Variants in SPPL3 observed in about 807,000 individuals in gnomAD.
SPPL3 encodes signal peptide peptidase like 3, also known as signal peptide peptidase-like 3.
Under a neutral mutation model 42.4 loss-of-function variants are expected in SPPL3, and 5 were observed. The observed-to-expected ratio is 0.12, with a 90% CI of 0.06 to 0.25. SPPL3 has a LOEUF of 0.25. Among genes scored for constraint, SPPL3 ranks in the 10% least tolerant of loss-of-function variants. The pLI is 1.00. For missense variants in SPPL3, 235 were observed against 489.0 expected (o/e 0.48, Z 4.90); for synonymous variants, 195 against 181.8 (o/e 1.07, Z -0.58).
At chr12:120,852,879 C>CATATAATATATACATATCATATATGAA (rs1872304156) in intron 1 of SPPL3, among the ~76,000 whole-genome samples, 1 of 9,066 alleles carries the variant, frequency 1.1e-4, no homozygotes, top group Non-Finnish European at 4.0e-4. Flanking sequence ...ATATACATAT[C>CATATAATATATACATATCATATATGAA]ATATATATTT....
intron 1 of SPPL3, among the ~76,000 whole-genome samples, chr12:120,824,232 G>A (rs1025183381): frequency 6.6e-6 from 1 of 152,012 alleles, no homozygotes; most frequent in Non-Finnish European, 1.5e-5. Flanking sequence ...GAAGACCTAC[G>A]TATCACATAA....
intron 10 of SPPL3, among the ~76,000 whole-genome samples, 161 bp downstream of exon 10, chr12:120,766,094 GCGCGCGCA>G (rs1232521957): frequency 5.8e-5 from 6 of 103,304 alleles, no homozygotes; most frequent in African/African-American, 1.9e-4. Flanking sequence ...AGGGTAGCGC[GCGCGCGCA>G]CACACACACA....
chr12:120,859,541 C>T (rs1364610454), intron 1 of SPPL3, among the ~76,000 whole-genome samples: 1 of 152,184 alleles, frequency 6.6e-6, no homozygotes, highest in Non-Finnish European at 1.5e-5. Flanking sequence ...AAACACAAAT[C>T]CTGTGGGAAC....
At chr12:120,889,983 C>T (rs1476273514) in intron 1 of SPPL3, among the ~76,000 whole-genome samples, 1 of 152,134 alleles carries the variant, frequency 6.6e-6, no homozygotes, top group East Asian at 1.9e-4. Context: ...CGGTGGCTCA[C>T]GCCTGTAATC....
chr12:120,852,754 T>TCA (rs1393896019), intron 1 of SPPL3, among the ~76,000 whole-genome samples: 27,050 of 92,854 alleles, frequency 0.29, 8,587 homozygotes, highest in East Asian at 0.42. Flanking sequence ...ATTTCATATA[T>TCA]TATATCTATG....
chr12:120,872,329 A>C (rs926108891), intron 1 of SPPL3, among the ~76,000 whole-genome samples: 1 of 152,234 alleles, frequency 6.6e-6, no homozygotes, highest in African/African-American at 2.4e-5. Flanking sequence ...CAGACAATAC[A>C]CATGAAATAA....
chr12:120,784,702 C>T lies in SPPL3; in HGVS notation c.191-109G>A, dbSNP rs903406010. ...AATGCAGACAGTTCTACGGATTATA[C>T]GTAGGACATGGATTATCCAGGCCCT... is the stretch of plus-strand genomic sequence containing the variant. On this transcript the variant is annotated intron_variant, in intron 3 of 10. Transcript: ENST00000353487. 16 of 779,862 alleles carry T rather than the reference C, an allele frequency of 2.1e-5. No individual in the cohort carries two copies. The East Asian group carries it at 2.4e-4, about 12-fold the overall frequency. The allele number at this position is 779,862 out of a possible 1,614,324, so 48.3% of individuals were successfully genotyped here.
At chr12:120,871,427 T>C (rs1160113082) in intron 1 of SPPL3, among the ~76,000 whole-genome samples, 3 of 152,108 alleles carry the variant, frequency 2.0e-5, no homozygotes, top group Admixed American at 2.0e-4. Flanking sequence ...AGGATCCCCC[T>C]TGGATAACAA....
intron 1 of SPPL3, among the ~76,000 whole-genome samples, chr12:120,882,027 A>G (rs145336112): frequency 1.3e-5 from 2 of 152,052 alleles, no homozygotes; most frequent in East Asian, 3.9e-4. Flanking sequence ...AAATTTCCAG[A>G]AAAAAGTCGT....
intron 1 of SPPL3, among the ~76,000 whole-genome samples, chr12:120,867,990 G>A (rs531154506): frequency 1.5e-3 from 235 of 152,182 alleles, no homozygotes; most frequent in Non-Finnish European, 5.0e-4. Flanking sequence ...CAAGTGAACC[G>A]CATGCCTTGG....
intron 1 of SPPL3, among the ~76,000 whole-genome samples, chr12:120,825,415 T>C (rs1249492984): frequency 1.3e-5 from 2 of 152,174 alleles, no homozygotes; most frequent in South Asian, 2.1e-4. Flanking sequence ...CATCTGTTTA[T>C]TGAGCACCTG....
chr12:120,785,378 T>C (rs1200825802), intron 3 of SPPL3, among the ~76,000 whole-genome samples: 2 of 152,150 alleles, frequency 1.3e-5, no homozygotes, highest in Non-Finnish European at 2.9e-5. Context: ...TGGCTTCCCA[T>C]TAGAGCTTTA....
intron 1 of SPPL3, among the ~76,000 whole-genome samples, chr12:120,817,908 T>TA (rs1870933920): frequency 6.6e-6 from 1 of 152,176 alleles, no homozygotes; most frequent in Non-Finnish European, 1.5e-5. Flanking sequence ...ACACAGATTT[T>TA]ACTACAGGAG....
rs1868705897 is a variant in SPPL3, at chr12:120,762,718, CA to C, written c.*2280del. On this transcript the variant is annotated 3_prime_UTR_variant, in exon 11 of 11. Coordinates refer to ENST00000353487, the MANE Select transcript of SPPL3 (RefSeq NM_139015.5). ...AAGCGATTCTTCTGCCTCAGCCTCC[CA>C]AATAGCTGGGATTACAGGCGCCTGC... 1 of 152,040 alleles carries C rather than the reference CA, an allele frequency of 6.6e-6. No individual in the cohort carries two copies. The highest frequency in any genetic ancestry group is 2.1e-4 in the South Asian group (1 of 4,818). 9.4% of individuals were successfully genotyped at this position (152,040 alleles called of 1,614,324 possible).
At chr12:120,850,288 T>C (rs936618245) in intron 1 of SPPL3, among the ~76,000 whole-genome samples, 4 of 152,080 alleles carry the variant, frequency 2.6e-5, no homozygotes, top group Non-Finnish European at 4.4e-5. Flanking sequence ...CCCTTTCAAA[T>C]CTAAATACTT....
At chr12:120,779,501 G>A (rs573445843) in intron 6 of SPPL3, among the ~76,000 whole-genome samples, 1 of 152,308 alleles carries the variant, frequency 6.6e-6, no homozygotes, top group Non-Finnish European at 1.5e-5. Context: ...GGAATTACAA[G>A]TAGTATAAAA....
intron 1 of SPPL3, among the ~76,000 whole-genome samples, chr12:120,862,579 A>G (rs1229029973): frequency 6.6e-6 from 1 of 152,180 alleles, no homozygotes; most frequent in African/African-American, 2.4e-5. Flanking sequence ...ACAACTCAGG[A>G]GCAGAAAAAT....
At chr12:120,829,166 A>T (rs573879598) in intron 1 of SPPL3, among the ~76,000 whole-genome samples, 1 of 152,388 alleles carries the variant, frequency 6.6e-6, no homozygotes, top group Non-Finnish European at 1.5e-5. Flanking sequence ...CATAAGCTTA[A>T]ATGTGAAACT....
In SPPL3 at chr12:120,871,130, C is replaced by CAAAAAAAAAAAAAAAAAAAAAAAA. The variant is rs71453512; in HGVS notation, c.23+32714_23+32715insTTTTTTTTTTTTTTTTTTTTTTTT. Among the ~76,000 whole-genome samples the CAAAAAAAAAAAAAAAAAAAAAAAA allele has an allele frequency of 7.5e-4, 39 of 51,700 alleles. 1 individual carries two copies. Among genetic ancestry groups the CAAAAAAAAAAAAAAAAAAAAAAAA allele is most frequent in the Non-Finnish European group, 1.1e-3 (30 of 27,566 alleles). 33.9% of individuals were successfully genotyped at this position (51,700 alleles called of 152,430 possible). ...GGGCGACAGAGTGAGACTCCGTCTC[C>CAAAAAAAAAAAAAAAAAAAAAAAA]AAAAAAAAAAAAAAAAAAAGAAAAA... On this transcript the variant is annotated intron_variant, in intron 1 of 10. Coordinates refer to ENST00000353487, the MANE Select transcript of SPPL3 (RefSeq NM_139015.5).
Sources: gnomAD v4.1 joint callset for allele counts (sites outside exome capture counted in the v4.1 genomes callset) on GRCh38, gnomAD v4.1.1 for gene constraint, MANE v1.5 for transcripts, NCBI Gene and HGNC (gene_info 2026-07-23, HGNC 2026-07-21) for gene names.